The following HOGA1 variants were observed in gnomAD, a reference collection of about 807,000 sequenced individuals.
The protein encoded by HOGA1 is 4-hydroxy-2-oxoglutarate aldolase 1.
A neutral mutation model predicts 34.3 loss-of-function variants in HOGA1; 30 were observed. That is an observed-to-expected ratio of 0.87 (90% confidence interval 0.65 to 1.19). HOGA1 has a LOEUF of 1.19. Ranked by LOEUF, HOGA1 falls within the 50% of genes most tolerant of loss-of-function variation. The probability of loss-of-function intolerance (pLI) is 0.00; values close to 1 mark genes in which losing one functional copy is unlikely to be tolerated. For synonymous variants in HOGA1, 161 were observed against 174.0 expected (o/e 0.93, Z 0.59); for missense variants, 417 against 436.5 (o/e 0.96, Z 0.40).
chr10:97,592,240 C>CTTTT (rs370993111), intron 1 of HOGA1, among the ~76,000 whole-genome samples: 1 of 121,090 alleles, frequency 8.3e-6, no homozygotes, highest in Non-Finnish European at 1.7e-5. Flanking sequence ...AATCCCTGTA[C>CTTTT]TTTTTTTTTT....
Position 97,587,748 on chromosome 10 carries a change from C to T in HOGA1, c.211+2834C>T, listed in dbSNP as rs192352029. 6.1e-3 allele frequency among the ~76,000 whole-genome samples: 923 copies of T among 152,180 alleles called. 15 individuals carry two copies. The highest frequency in any genetic ancestry group is 0.023 in the Admixed American group (356 of 15,278). ...GTCTTGAACTCCTGACCTCACGGTC[C>T]GCCGGCCTCGGCCTCCCAAAGTGCT... is the stretch of plus-strand genomic sequence containing the variant. On this transcript the variant is annotated intron_variant, in intron 1 of 6. Transcript: ENST00000370646.
In HOGA1 at chr10:97,584,592, A is replaced by C; in HGVS notation, c.-112A>C. ...CTGCCCCAGTGGCCACAAGTCAGGG[A>C]GGCCGCAAATTTTTAACTAGAAACA... On this transcript the variant is annotated 5_prime_UTR_variant, in exon 1 of 7. Coordinates refer to ENST00000370646, the MANE Select transcript of HOGA1 (RefSeq NM_138413.4). The C allele has an allele frequency of 8.2e-6, 8 of 981,556 alleles. No individual in the cohort carries two copies. Among genetic ancestry groups the C allele is most frequent in the Non-Finnish European group, 1.1e-5 (7 of 650,498 alleles). 60.8% of individuals were successfully genotyped at this position (981,556 alleles called of 1,614,324 possible).
chr10:97,599,086 C>A lies in HOGA1; in HGVS notation c.341-3C>A. ...GCTCTCACCTCTCTCCTTCCTCTGG[C>A]AGCCACTCAAGCCACAGTGGAGATG... On this transcript the variant is annotated splice_polypyrimidine_tract_variant and splice_region_variant and intron_variant, in intron 2 of 6. Transcript: ENST00000370646. 6.2e-7 allele frequency: 1 copy of A among 1,612,770 alleles called. No homozygotes were observed. The highest frequency in any genetic ancestry group is 8.5e-7 in the Non-Finnish European group (1 of 1,180,018).
At chr10:97,593,286 G>A (rs2041042844) in intron 1 of HOGA1, among the ~76,000 whole-genome samples, 2 of 152,172 alleles carry the variant, frequency 1.3e-5, no homozygotes, top group Non-Finnish European at 2.9e-5. Context: ...GACCAGCCTG[G>A]CCAACATGGT....
intron 1 of HOGA1, chr10:97,590,288 A>G (rs772977970): frequency 3.1e-6 from 5 of 1,613,670 alleles, no homozygotes; most frequent in Non-Finnish European, 4.2e-6. Flanking sequence ...GGCTGCCTGC[A>G]CCAAGGAGAT....
intron 6 of HOGA1, among the ~76,000 whole-genome samples, chr10:97,609,256 C>A (rs17108160): frequency 0.096 from 14,595 of 152,142 alleles, 948 homozygotes; most frequent in African/African-American, 0.19. Flanking sequence ...GGACAGGAAA[C>A]GGAGCGGCTT....
chr10:97,602,006 CG>C lies in HOGA1; in HGVS notation c.834+21del. On this transcript the variant is annotated intron_variant, in intron 6 of 6. Transcript: ENST00000370646. The stretch of plus-strand genomic sequence containing the variant: ...AAACGCTGCGGTGAGCCAGTGGCAG[CG>C]GGGGCGCGGCCTGGCGGGGGGTGGG... The C allele has an allele frequency of 6.2e-7, 1 of 1,605,922 alleles. No homozygotes were observed. The highest frequency in any genetic ancestry group is 1.1e-5 in the South Asian group (1 of 89,590).
chr10:97,598,645 G>T, intron 1 of HOGA1, 130 bp from the exon 2 acceptor site: 2 of 1,184,636 alleles, frequency 1.7e-6, no homozygotes. Context: ...TTGCAGCTGT[G>T]TGGGAACCTT....
chr10:97,611,312 T>C (rs566180576), intron 6 of HOGA1, among the ~76,000 whole-genome samples, 198 bp from the exon 7 acceptor site: 107 of 152,374 alleles, frequency 7.0e-4, no homozygotes, highest in African/African-American at 2.5e-3. Context: ...CTGAAGTTTT[T>C]GTATTTTGCT....
At chr10:97,607,231 T>C (rs747809779) in intron 6 of HOGA1, among the ~76,000 whole-genome samples, 7 of 152,070 alleles carry the variant, frequency 4.6e-5, no homozygotes, top group Non-Finnish European at 7.4e-5. Flanking sequence ...CTGCATTGCC[T>C]GTGTGTCTGG....
chr10:97,584,989 C>A, intron 1 of HOGA1, 75 bp downstream of exon 1: 3 of 1,249,530 alleles, frequency 2.4e-6, no homozygotes, highest in South Asian at 1.2e-5. Flanking sequence ...GGAGGGTACA[C>A]AGGCTCTGTC....
chr10:97,612,209 A>G lies in HOGA1; in HGVS notation c.*550A>G, dbSNP rs991121870. ...GAGATGGGGTTTCACCGTGTTGGCC[A>G]GGCTGGTCTTGAACTCCTGACCTCA... On this transcript the variant is annotated 3_prime_UTR_variant, in exon 7 of 7. Coordinates refer to ENST00000370646, the MANE Select transcript of HOGA1 (RefSeq NM_138413.4). The G allele has an allele frequency of 9.7e-5, 15 of 154,078 alleles. No homozygotes were observed. The highest frequency in any genetic ancestry group is 3.4e-3 in the Middle Eastern group (1 of 298). 9.5% of individuals were successfully genotyped at this position (154,078 alleles called of 1,614,324 possible). A position where few individuals can be genotyped will look rare whatever the true frequency, so the allele number is the denominator to read the frequency against.
chr10:97,593,809 G>A lies in HOGA1; in HGVS notation c.212-4966G>A, dbSNP rs563529489. 4.6e-5 allele frequency among the ~76,000 whole-genome samples: 7 copies of A among 152,168 alleles called. No homozygotes were observed. The East Asian group carries it at 1.4e-3, about 29-fold the overall frequency. On this transcript the variant is annotated intron_variant, in intron 1 of 6. Coordinates refer to ENST00000370646, the MANE Select transcript of HOGA1 (RefSeq NM_138413.4). The stretch of plus-strand genomic sequence containing the variant: ...TTTGGAAGGTGTTCCAGGCAGAAGG[G>A]AACAACACAAGCAAGGGTGCAGAGG...
chr10:97,587,845 T>G (rs1271362731), intron 1 of HOGA1, among the ~76,000 whole-genome samples: 1 of 151,840 alleles, frequency 6.6e-6, no homozygotes, highest in Non-Finnish European at 1.5e-5. Flanking sequence ...GGTCTCAGTC[T>G]GCCACCCAGG....
intron 1 of HOGA1, among the ~76,000 whole-genome samples, chr10:97,588,837 T>C (rs1426189831): frequency 6.6e-6 from 1 of 152,242 alleles, no homozygotes; most frequent in Non-Finnish European, 1.5e-5. Context: ...AACCCCATTT[T>C]GGCATTTCTT....
At position 97,595,754 on chromosome 10, in the gene HOGA1, A is replaced by G. The variant is rs530015672; in HGVS notation, c.212-3021A>G. On this transcript the variant is annotated intron_variant, in intron 1 of 6. Transcript: ENST00000370646. ...TAATATCATCACTATTTTTTAATTGAGTTAGCCTGGGCTTCTCTGACTTCA... is the reference window on the plus strand; with the variant it reads ...TAATATCATCACTATTTTTTAATTGGGTTAGCCTGGGCTTCTCTGACTTCA... 2.3e-3 allele frequency among the ~76,000 whole-genome samples: 356 copies of G among 152,314 alleles called. 2 individuals carry two copies. Among genetic ancestry groups the G allele is most frequent in the African/African-American group, 7.9e-3 (329 of 41,566 alleles).
At chr10:97,591,858 T>A (rs866194834) in intron 1 of HOGA1, among the ~76,000 whole-genome samples, 5 of 147,236 alleles carry the variant, frequency 3.4e-5, no homozygotes, top group South Asian at 2.2e-4. Flanking sequence ...TGTGTGTGTG[T>A]GACAGAGTCT....
intron 1 of HOGA1, among the ~76,000 whole-genome samples, chr10:97,595,240 T>G (rs970981215): frequency 6.6e-6 from 1 of 152,056 alleles, no homozygotes; most frequent in Non-Finnish European, 1.5e-5. Context: ...AGGTGTACAA[T>G]GAGAGGTCAT....
rs2135721333 is a variant in HOGA1, at chr10:97,598,794, C to T, written c.231C>T (p.Ser77=). The change falls in exon 2 of 7, where the codon TCC becomes TCT. Residue 77 remains serine (S), a synonymous_variant. Coordinates refer to ENST00000370646, the MANE Select transcript of HOGA1 (RefSeq NM_138413.4). ...TTGCAGGCTTCGTGGTCCAGGGCTC[C>T]AATGGCGAGTTTCCTTTCCTGACCA... ...FPFRGFVVQG[S]NGEFPFLTSS... 1.2e-6 allele frequency: 2 copies of T among 1,614,174 alleles called. No homozygotes were observed. Among genetic ancestry groups the T allele is most frequent in the Non-Finnish European group, 8.5e-7 (1 of 1,180,028 alleles).
Sources: gnomAD v4.1 joint callset for allele counts (sites outside exome capture counted in the v4.1 genomes callset) on GRCh38, gnomAD v4.1.1 for gene constraint, MANE v1.5 for transcripts, NCBI Gene and HGNC (gene_info 2026-07-23, HGNC 2026-07-21) for gene names.